GALNT13: variants seen among roughly 807,000 people sequenced by gnomAD.
GALNT13 encodes UDP-GalNAc:polypeptide N-acetylgalactosaminyltransferase 13.
A neutral mutation model predicts 64.2 loss-of-function variants in GALNT13; 28 were observed. The observed-to-expected ratio is 0.44, with a 90% CI of 0.32 to 0.60. The LOEUF is 0.60. Among genes scored for constraint, GALNT13 ranks in the 20% least tolerant of loss-of-function variants. The pLI is 0.05. For synonymous variants in GALNT13, 214 were observed against 224.6 expected (o/e 0.95, Z 0.42); for missense variants, 577 against 669.8 (o/e 0.86, Z 1.53).
chr2:154,404,935 A>G lies in GALNT13; in HGVS notation c.1297-4049A>G, dbSNP rs76768021. ...ATCATTTCCCCTTAAAAGACTAGGA[A>G]AATTGATCTTATGCAAAAAAGGAAA... On this transcript the variant is annotated intron_variant, in intron 10 of 12. Transcript: ENST00000392825. 9.3e-3 allele frequency among the ~76,000 whole-genome samples: 1,414 copies of G among 152,192 alleles called. 27 individuals carry two copies. Among genetic ancestry groups the G allele is most frequent in the East Asian group, 0.079 (407 of 5,160 alleles).
chr2:154,411,822 G>A (rs1699809882), intron 11 of GALNT13, among the ~76,000 whole-genome samples: 1 of 151,620 alleles, frequency 6.6e-6, no homozygotes. Flanking sequence ...ACATTGTTGT[G>A]TTGCATTACC....
At chr2:153,399,392 G>C in the GALNT13 span, among the ~76,000 whole-genome samples, 1 of 152,210 alleles carries the variant, frequency 6.6e-6, no homozygotes, top group African/African-American at 2.4e-5. Context: ...GCTTAGGATT[G>C]ACTTGGTGAT....
At chr2:153,921,886 A>G (rs1265213610) in intron 2 of GALNT13, among the ~76,000 whole-genome samples, 1 of 152,142 alleles carries the variant, frequency 6.6e-6, no homozygotes, top group Non-Finnish European at 1.5e-5. Flanking sequence ...AAAAAAGACT[A>G]TGGATGGCAA....
At chr2:154,402,343 A>G (rs1306356780) in intron 10 of GALNT13, among the ~76,000 whole-genome samples, 1 of 152,184 alleles carries the variant, frequency 6.6e-6, no homozygotes, top group Admixed American at 6.5e-5. Context: ...TGAACAAATT[A>G]TATAAGTGAT....
Position 154,450,584 on chromosome 2 carries a change from C to T in GALNT13, c.*33C>T, listed in dbSNP as rs779637697. On this transcript the variant is annotated 3_prime_UTR_variant, in exon 13 of 13. Transcript: ENST00000392825. Reference sequence around the variant, plus strand: ...GTCCTCCAAGCCATGAAAGTGTCTACGCTTTTGTTTTTCCATTATTTCAAT... The same window carrying T: ...GTCCTCCAAGCCATGAAAGTGTCTATGCTTTTGTTTTTCCATTATTTCAAT... The T allele has an allele frequency of 3.5e-5, 53 of 1,503,552 alleles. No individual in the cohort carries two copies. Among genetic ancestry groups the T allele is most frequent in the Non-Finnish European group, 4.1e-5 (46 of 1,125,800 alleles). The allele number at this position is 1,503,552 out of a possible 1,614,324, so 93.1% of individuals were successfully genotyped here.
At chr2:153,339,345 A>G in the GALNT13 span, among the ~76,000 whole-genome samples, 8 of 152,198 alleles carry the variant, frequency 5.3e-5, no homozygotes, top group African/African-American at 1.9e-4. Context: ...TGTGGTTTTA[A>G]TCTGAATTTA....
At chr2:154,357,500 A>T (rs1210269752) in intron 9 of GALNT13, among the ~76,000 whole-genome samples, 1 of 152,082 alleles carries the variant, frequency 6.6e-6, no homozygotes. Context: ...GTAAAAAGGC[A>T]TGCAAATTAT....
chr2:153,862,893 C>T, the GALNT13 span, among the ~76,000 whole-genome samples: 1 of 151,996 alleles, frequency 6.6e-6, no homozygotes, highest in African/African-American at 2.4e-5. Context: ...AAGAATATCC[C>T]TTTATTTAGT....
chr2:153,641,443 C>T, the GALNT13 span, among the ~76,000 whole-genome samples: 1 of 152,112 alleles, frequency 6.6e-6, no homozygotes, highest in South Asian at 2.1e-4. Context: ...TTTGACATTT[C>T]ATTTGTTAAA....
Position 154,147,716 on chromosome 2 carries a change from T to C in GALNT13, c.311+7211T>C, listed in dbSNP as rs189178286. Among the ~76,000 whole-genome samples, 173 of 152,112 alleles carry C rather than the reference T, an allele frequency of 1.1e-3. No individual in the cohort carries two copies. In the Middle Eastern group the frequency reaches 0.017, roughly 15 times the overall value. On this transcript the variant is annotated intron_variant, in intron 4 of 12. Transcript: ENST00000392825. ...ACCAAATACCTATTTGTTTGTTTGTTTTTGCAAATTCTAATTGAGAAAGCA... is the reference window on the plus strand; with the variant it reads ...ACCAAATACCTATTTGTTTGTTTGTCTTTGCAAATTCTAATTGAGAAAGCA...
the GALNT13 span, among the ~76,000 whole-genome samples, chr2:153,397,859 T>C: frequency 6.6e-6 from 1 of 152,166 alleles, no homozygotes; most frequent in South Asian, 2.1e-4. Flanking sequence ...CTATAGGTTT[T>C]TGAAATTTCC....
chr2:153,628,487 A>G, the GALNT13 span, among the ~76,000 whole-genome samples: 1 of 151,466 alleles, frequency 6.6e-6, no homozygotes, highest in Non-Finnish European at 1.5e-5. Flanking sequence ...TGGGTTTGTC[A>G]TAGATAGCTC....
At chr2:153,547,341 A>C in the GALNT13 span, among the ~76,000 whole-genome samples, 2 of 152,210 alleles carry the variant, frequency 1.3e-5, no homozygotes, top group Non-Finnish European at 2.9e-5. Flanking sequence ...ATGGTATTCT[A>C]AGGAGTTACT....
intron 4 of GALNT13, among the ~76,000 whole-genome samples, chr2:154,204,393 A>G (rs1194142544): frequency 6.6e-6 from 1 of 152,218 alleles, no homozygotes; most frequent in Admixed American, 6.5e-5. Context: ...TAGGTATGCA[A>G]TAAATATTAA....
the GALNT13 span, among the ~76,000 whole-genome samples, chr2:153,601,806 C>T: frequency 6.6e-6 from 1 of 151,490 alleles, no homozygotes; most frequent in African/African-American, 2.4e-5. Context: ...AAAGACACTA[C>T]CAAATGGCAG....
chr2:153,684,813 T>A, the GALNT13 span, among the ~76,000 whole-genome samples: 1 of 151,666 alleles, frequency 6.6e-6, no homozygotes, highest in Non-Finnish European at 1.5e-5. Flanking sequence ...CCACCCTCCA[T>A]CTTCCAAAAG....
intron 9 of GALNT13, among the ~76,000 whole-genome samples, chr2:154,371,152 A>G (rs922940746): frequency 6.6e-6 from 1 of 152,082 alleles, no homozygotes; most frequent in African/African-American, 2.4e-5. Flanking sequence ...TGTTGATAGA[A>G]GCCACCTAAG....
the GALNT13 span, among the ~76,000 whole-genome samples, chr2:153,071,779 T>A: frequency 6.6e-6 from 1 of 152,254 alleles, no homozygotes; most frequent in African/African-American, 2.4e-5. Context: ...CTTGTTTTTC[T>A]ATAGCCTATC....
chr2:153,554,895 A>G, the GALNT13 span, among the ~76,000 whole-genome samples: 1 of 152,218 alleles, frequency 6.6e-6, no homozygotes, highest in African/African-American at 2.4e-5. Context: ...GTACGAGAGA[A>G]AATTTTTTTA....
Sources: allele counts gnomAD v4.1 joint callset (sites outside exome capture counted in the v4.1 genomes callset), GRCh38; gene constraint gnomAD v4.1.1; transcripts MANE v1.5; gene names NCBI Gene and HGNC (gene_info 2026-07-23, HGNC 2026-07-21).